Variants in KANSL1 observed in about 807,000 individuals in gnomAD.
KANSL1 encodes MLL1/MLL complex subunit KANSL1.
KANSL1 carries 22 observed loss-of-function variants against 103.6 expected under a neutral mutation model. The ratio of observed to expected loss-of-function variants is 0.21; its 90% CI spans 0.15 to 0.30. KANSL1 has a LOEUF of 0.30. KANSL1 is among the 10% of genes least tolerant of loss of function. KANSL1 has a pLI of 1.00. For synonymous variants in KANSL1, 600 were observed against 527.6 expected (o/e 1.14, Z -1.88); for missense variants, 1,337 against 1,399.8 (o/e 0.96, Z 0.72).
rs754161456 is a variant in KANSL1 at position 46,171,988 on chromosome 17, T to C, written c.156A>G (p.Lys52=). 5.6e-6 allele frequency: 9 copies of C among 1,614,270 alleles called. No homozygotes were observed. In the South Asian group the frequency reaches 9.9e-5, roughly 18 times the overall value. ...GGCTGGGATCCTCTGCAGCAATGGC[T>C]TTTCTTTTGGTTCCGTTGGCAGCAA... ...ILIAANGTKR[K]AIAAEDPSLD... Residue 52 remains lysine, a synonymous_variant, in exon 2 of 15, where the codon AAA becomes AAG. Coordinates refer to ENST00000432791, the MANE Select transcript of KANSL1 (RefSeq NM_015443.4).
intron 2 of KANSL1, among the ~76,000 whole-genome samples, chr17:46,132,698 G>A (rs1295499659): frequency 2.0e-5 from 3 of 152,162 alleles, no homozygotes; most frequent in African/African-American, 4.8e-5. Context: ...CTGCAATCCC[G>A]ACATTTTGGG....
chr17:46,045,923 A>C (rs1308052760), intron 7 of KANSL1: 2 of 152,216 alleles, frequency 1.3e-5, no homozygotes. Context: ...GAGTGTGCTT[A>C]AGTGTCCGGG....
intron 3 of KANSL1, chr17:46,093,237 G>C (rs1231370395): frequency 6.6e-6 from 1 of 152,306 alleles, no homozygotes; most frequent in Non-Finnish European, 1.5e-5. Context: ...GTTATTCTTA[G>C]TCATCATTCC....
chr17:46,155,015 C>G (rs1200293446), intron 2 of KANSL1, among the ~76,000 whole-genome samples: 1 of 152,118 alleles, frequency 6.6e-6, no homozygotes, highest in Non-Finnish European at 1.5e-5. Context: ...GCTTACTATA[C>G]AATTAAAATA....
chr17:46,101,005 A>G (rs1315596389), intron 2 of KANSL1, among the ~76,000 whole-genome samples: 2 of 152,254 alleles, frequency 1.3e-5, no homozygotes, highest in Non-Finnish European at 2.9e-5. Flanking sequence ...ACTGGTAGAT[A>G]AATTGACAAA....
chr17:46,143,803 C>CAAAAAAAAAAAAAA (rs57361021), intron 2 of KANSL1, among the ~76,000 whole-genome samples: 353 of 85,454 alleles, frequency 4.1e-3, no homozygotes, highest in Middle Eastern at 0.014. Flanking sequence ...GACTCCATCT[C>CAAAAAAAAAAAAAA]AAAAAAAAAA....
chr17:46,142,874 T>C (rs975468254), intron 2 of KANSL1, among the ~76,000 whole-genome samples: 17 of 152,250 alleles, frequency 1.1e-4, no homozygotes, highest in Non-Finnish European at 2.5e-4. Flanking sequence ...CACTCTCTTT[T>C]ATTCTTAGAT....
intron 2 of KANSL1, among the ~76,000 whole-genome samples, chr17:46,149,976 C>T (rs941542812): frequency 6.0e-5 from 9 of 150,816 alleles, no homozygotes; most frequent in African/African-American, 1.5e-4. Context: ...GAGCTGAGAT[C>T]GCACCACTGC....
chr17:46,053,724 G>T (rs1343687053), intron 6 of KANSL1, among the ~76,000 whole-genome samples: 1 of 151,988 alleles, frequency 6.6e-6, no homozygotes, highest in East Asian at 1.9e-4. Flanking sequence ...ATGAGCCACC[G>T]CACCCGGCCA....
chr17:46,031,543 G>A lies in KANSL1; in HGVS notation c.3251C>T (p.Pro1084Leu), dbSNP rs1466173257. 1 of 1,614,062 alleles carries A rather than the reference G, an allele frequency of 6.2e-7. No homozygotes were observed. The highest frequency in any genetic ancestry group is 1.1e-5 in the South Asian group (1 of 91,070). The change falls in exon 15 of 15, where the codon CCC (proline) becomes CTC (leucine). Residue 1084 changes from proline (P) to leucine (L), a missense_variant. Physicochemically the swap from Pro to Leu is moderately conservative, Grantham distance 98. This residue lies in a region of KANSL1 where 780 missense variants were observed against 923.4 expected (regional missense o/e 0.84). Coordinates refer to ENST00000432791, the MANE Select transcript of KANSL1 (RefSeq NM_015443.4). Reference protein sequence around the residue: ...RETEAAPTSPPIVPLKSRHLV... With the variant: ...RETEAAPTSPLIVPLKSRHLV... ...ATGCCGACTCTTGAGGGGGACAATG[G>A]GAGGCGAGGTGGGCGCTGCCTCTGT...
At chr17:46,149,638 T>A (rs776813383) in intron 2 of KANSL1, among the ~76,000 whole-genome samples, 3 of 152,254 alleles carry the variant, frequency 2.0e-5, no homozygotes, top group African/African-American at 7.2e-5. Flanking sequence ...GCATAGTCTG[T>A]TGATTGTGCT....
chr17:46,112,492 G>A (rs76640332), intron 2 of KANSL1, among the ~76,000 whole-genome samples: 21,269 of 149,088 alleles, frequency 0.14, 2,065 homozygotes, highest in Middle Eastern at 0.22. Context: ...CGAGACCGGC[G>A]TGGCCAACAT....
intron 2 of KANSL1, among the ~76,000 whole-genome samples, chr17:46,144,939 T>C (rs1228710930): frequency 6.6e-6 from 1 of 152,222 alleles, no homozygotes; most frequent in African/African-American, 2.4e-5. Context: ...AGTATCAAGA[T>C]ATATATTAAT....
At chr17:46,154,619 A>C (rs1177545792) in intron 2 of KANSL1, among the ~76,000 whole-genome samples, 1 of 152,222 alleles carries the variant, frequency 6.6e-6, no homozygotes, top group African/African-American at 2.4e-5. Flanking sequence ...AATGAAGGGA[A>C]GGGTAGAATT....
At chr17:46,183,305 C>A (rs1434819493) in intron 1 of KANSL1, among the ~76,000 whole-genome samples, 1 of 152,038 alleles carries the variant, frequency 6.6e-6, no homozygotes, top group Non-Finnish European at 1.5e-5. Flanking sequence ...GATGGCCTAC[C>A]ATGGTAGCTC....
chr17:46,064,308 C>T (rs1039747660), intron 6 of KANSL1, among the ~76,000 whole-genome samples: 2 of 152,180 alleles, frequency 1.3e-5, no homozygotes, highest in Admixed American at 6.5e-5. Flanking sequence ...CATGCAAATA[C>T]TAATTGTTCC....
At position 46,031,536 on chromosome 17, in the gene KANSL1, G is replaced by T; in HGVS notation, c.3258C>A (p.Val1086=). Residue 1086 remains valine, a synonymous_variant, in exon 15 of 15, where the codon GTC becomes GTA. Coordinates refer to ENST00000432791, the MANE Select transcript of KANSL1 (RefSeq NM_015443.4). ...CCACCAGATGCCGACTCTTGAGGGG[G>T]ACAATGGGAGGCGAGGTGGGCGCTG... ...TEAAPTSPPI[V]PLKSRHLVAA... 14 of 1,614,096 alleles carry T rather than the reference G, an allele frequency of 8.7e-6. No individual in the cohort carries two copies. The highest frequency in any genetic ancestry group is 1.2e-5 in the Non-Finnish European group (14 of 1,180,010).
At chr17:46,105,947 A>ACACACAC (rs1396276906) in intron 2 of KANSL1, among the ~76,000 whole-genome samples, 1 of 57,780 alleles carries the variant, frequency 1.7e-5, no homozygotes, top group Admixed American at 1.6e-4. Flanking sequence ...ACACACACAC[A>ACACACAC]CCCCCCCAGA....
intron 2 of KANSL1, among the ~76,000 whole-genome samples, chr17:46,105,937 ACACACACACACCCC>A (rs1313169690): frequency 2.2e-4 from 18 of 83,360 alleles, no homozygotes; most frequent in African/African-American, 6.2e-4. Flanking sequence ...ACACACACAC[ACACACACACACCCC>A]CCCAGAAGGG....
Sources: gnomAD v4.1 joint callset for allele counts (sites outside exome capture counted in the v4.1 genomes callset) on GRCh38, gnomAD v4.1.1 for gene constraint, gnomAD v4.1.1 regional missense constraint, MANE v1.5 for transcripts, NCBI Gene and HGNC (gene_info 2026-07-23, HGNC 2026-07-21) for gene names.